The following SAMD12 variants were observed in gnomAD, a reference collection of about 807,000 sequenced individuals.
The protein encoded by SAMD12 is sterile alpha motif domain-containing protein 12.
In SAMD12, 9 loss-of-function variants were observed where a neutral mutation model predicts 15.0. The ratio of observed to expected loss-of-function variants is 0.60; its 90% CI spans 0.36 to 1.05. The LOEUF (loss-of-function observed/expected upper bound fraction) is 1.05. SAMD12 is among the 50% of genes least tolerant of loss of function. The pLI is 0.01. For synonymous variants in SAMD12, 86 were observed against 90.1 expected, an observed-to-expected ratio of 0.96 and a Z score of 0.25; for missense variants, 230 against 234.2, an observed-to-expected ratio of 0.98 and a Z score of 0.12.
intron 1 of SAMD12, among the ~76,000 whole-genome samples, chr8:118,599,459 C>T (rs952837647): frequency 4.6e-5 from 7 of 152,138 alleles, no homozygotes; most frequent in African/African-American, 1.7e-4. Context: ...GGCATGCAGC[C>T]CCAAATATTC....
At chr8:118,543,350 T>C (rs1012221707) in intron 2 of SAMD12, among the ~76,000 whole-genome samples, 2 of 152,210 alleles carry the variant, frequency 1.3e-5, no homozygotes, top group African/African-American at 2.4e-5. Flanking sequence ...TGGTCACTCA[T>C]TCCGAGTCTC....
chr8:118,363,075 T>TG (rs1355171961), intron 4 of SAMD12, among the ~76,000 whole-genome samples: 1 of 152,238 alleles, frequency 6.6e-6, no homozygotes, highest in Non-Finnish European at 1.5e-5. Flanking sequence ...TAGTCTCAAG[T>TG]GTTAATTTCT....
downstream of SAMD12, among the ~76,000 whole-genome samples, chr8:118,188,980 C>T (rs1325977009): frequency 2.6e-5 from 4 of 152,106 alleles, no homozygotes; most frequent in Non-Finnish European, 4.4e-5. Flanking sequence ...TGGCCACCAT[C>T]TTAGAGAGAT....
rs968562465 is a variant in SAMD12, at chr8:118,528,442, A to G, written c.192+52273T>C. Among the ~76,000 whole-genome samples, 3 of 152,390 alleles carry G rather than the reference A, an allele frequency of 2.0e-5. No homozygotes were observed. In the East Asian group the frequency reaches 5.8e-4, roughly 29 times the overall value. ...TCCTGATATGTAGACAACTTATTGT[A>G]TAACAATCTGGTCCACATGTTTTTT... is the stretch of plus-strand genomic sequence containing the variant. On this transcript the variant is annotated intron_variant, in intron 2 of 3. Transcript: ENST00000314727.
intron 4 of SAMD12, among the ~76,000 whole-genome samples, chr8:118,326,700 T>A (rs372270499): frequency 4.6e-4 from 70 of 152,254 alleles, no homozygotes; most frequent in Non-Finnish European, 8.4e-4. Context: ...AGGACCCACA[T>A]ATGTTTTCCT....
intron 2 of SAMD12, among the ~76,000 whole-genome samples, chr8:118,560,447 T>C (rs1247524214): frequency 6.6e-6 from 1 of 152,166 alleles, no homozygotes; most frequent in African/African-American, 2.4e-5. Context: ...CCCATTTGGA[T>C]TTACTAAGAG....
chr8:118,565,270 C>T (rs1826814434), intron 2 of SAMD12, among the ~76,000 whole-genome samples: 1 of 152,122 alleles, frequency 6.6e-6, no homozygotes, highest in South Asian at 2.1e-4. Context: ...AACAGTTAGC[C>T]ACAGGTAAAC....
the SAMD12 span, among the ~76,000 whole-genome samples, chr8:118,168,092 G>A: frequency 6.6e-6 from 1 of 152,144 alleles, no homozygotes; most frequent in Non-Finnish European, 1.5e-5. Context: ...ATTTATCAGG[G>A]GTTTCTGCTT....
chr8:118,618,226 A>G (rs1414188464), intron 1 of SAMD12, among the ~76,000 whole-genome samples: 2 of 152,184 alleles, frequency 1.3e-5, no homozygotes, highest in African/African-American at 4.8e-5. Context: ...AACACAGGGT[A>G]GTTACAAAAC....
chr8:118,548,755 G>A (rs967522174), intron 2 of SAMD12, among the ~76,000 whole-genome samples: 17 of 152,244 alleles, frequency 1.1e-4, no homozygotes, highest in Non-Finnish European at 1.3e-4. Flanking sequence ...CAAGGGGTCA[G>A]GGAGTTCCCT....
At chr8:118,476,570 C>T (rs927878557) in intron 2 of SAMD12, among the ~76,000 whole-genome samples, 19 of 152,222 alleles carry the variant, frequency 1.2e-4, no homozygotes, top group South Asian at 1.2e-3. Context: ...TTCAAAATAT[C>T]GCATGGCTGA....
intron 2 of SAMD12, among the ~76,000 whole-genome samples, chr8:118,452,947 G>C (rs1415757300): frequency 1.3e-5 from 2 of 152,128 alleles, no homozygotes; most frequent in Non-Finnish European, 2.9e-5. Context: ...ACCACAATGA[G>C]AATGATCAAG....
chr8:118,608,287 A>G (rs1480001705), intron 1 of SAMD12, among the ~76,000 whole-genome samples: 1 of 151,676 alleles, frequency 6.6e-6, no homozygotes, highest in Non-Finnish European at 1.5e-5. Flanking sequence ...CTGGTTGTGC[A>G]TCTCGCCACA....
At position 118,208,205 on chromosome 8, in the gene SAMD12, C is replaced by T. The variant is rs150240277; in HGVS notation, c.434-10473G>A. 3.2e-3 allele frequency among the ~76,000 whole-genome samples: 485 copies of T among 151,942 alleles called. 1 individual carries two copies. Among genetic ancestry groups the T allele is most frequent in the Non-Finnish European group, 5.5e-3 (371 of 67,966 alleles). ...TCAGGAGGCAGAGGTTGTGGTGAGC[C>T]GAGATTGTGCCATTGCACTCCAGCC... On this transcript the variant is annotated intron_variant, in intron 4 of 4. Coordinates refer to the SAMD12 transcript ENST00000409003.
chr8:118,371,517 G>A (rs563601925), intron 4 of SAMD12, among the ~76,000 whole-genome samples: 2 of 152,142 alleles, frequency 1.3e-5, no homozygotes, highest in Admixed American at 6.6e-5. Context: ...TGAGGAAAAC[G>A]GAGTAATCAC....
intron 4 of SAMD12, among the ~76,000 whole-genome samples, chr8:118,333,698 G>A (rs1347913062): frequency 6.6e-6 from 1 of 152,030 alleles, no homozygotes; most frequent in African/African-American, 2.4e-5. Context: ...AAAGGACCAG[G>A]ATTTATGTAC....
chr8:118,258,613 C>G (rs1262808740), intron 4 of SAMD12, among the ~76,000 whole-genome samples: 1 of 152,026 alleles, frequency 6.6e-6, no homozygotes, highest in African/African-American at 2.4e-5. Flanking sequence ...TCCATTACCC[C>G]CCCTCATATG....
intron 1 of SAMD12, among the ~76,000 whole-genome samples, chr8:118,596,656 C>T (rs1308851531): frequency 6.6e-6 from 1 of 151,770 alleles, no homozygotes. Flanking sequence ...CCTCCCTTGG[C>T]ATCTGGCACT....
intron 4 of SAMD12, among the ~76,000 whole-genome samples, chr8:118,242,817 C>A (rs1812604444): frequency 1.3e-5 from 2 of 152,214 alleles, no homozygotes; most frequent in South Asian, 2.1e-4. Context: ...TGCTCAAAGT[C>A]CCTGATTATC....
Sources: gnomAD v4.1 joint callset for allele counts (sites outside exome capture counted in the v4.1 genomes callset) on GRCh38, gnomAD v4.1.1 for gene constraint, MANE v1.5 for transcripts, NCBI Gene and HGNC (gene_info 2026-07-23, HGNC 2026-07-21) for gene names.